GNA12: variants seen among roughly 807,000 people sequenced by gnomAD.
The protein encoded by GNA12 is G protein subunit alpha 12.
Under a neutral mutation model 26.0 loss-of-function variants are expected in GNA12, and 9 were observed. That is an observed-to-expected ratio of 0.35 (90% CI 0.21 to 0.60). The LOEUF (loss-of-function observed/expected upper bound fraction) is 0.60, where lower values mean the gene tolerates loss of function less well. Ranked by LOEUF, GNA12 falls within the 20% of genes least tolerant of loss-of-function variation. The pLI is 0.78. For missense variants in GNA12, 405 were observed against 525.8 expected, an observed-to-expected ratio of 0.77 and a Z score of 2.25; for synonymous variants, 264 against 219.6, an observed-to-expected ratio of 1.20 and a Z score of -1.79.
Position 2,731,136 on chromosome 7 carries a change from G to A in GNA12, c.*45C>T, listed in dbSNP as rs758004070. On this transcript the variant is annotated 3_prime_UTR_variant, in exon 4 of 4. Coordinates refer to ENST00000275364, the MANE Select transcript of GNA12 (RefSeq NM_007353.3). The surrounding 1 kb of genome is among the most constrained non-coding windows in gnomAD (Gnocchi z 6.0). ...CACACACCCAAGAGTCTGACCGACA[G>A]CCGTGGGGGCTGCTCAACGACGACA... 2.2e-6 allele frequency: 3 copies of A among 1,334,532 alleles called. No homozygotes were observed. The highest frequency in any genetic ancestry group is 3.2e-6 in the Non-Finnish European group (3 of 946,236). The allele number at this position is 1,334,532 out of a possible 1,614,324, so 82.7% of individuals were successfully genotyped here.
At chr7:2,841,548 T>C (rs1778988510) in intron 1 of GNA12, among the ~76,000 whole-genome samples, 1 of 152,178 alleles carries the variant, frequency 6.6e-6, no homozygotes, top group African/African-American at 2.4e-5. Flanking sequence ...GTTCACGAAG[T>C]ATCTGACCAG....
intron 3 of GNA12, 102 bp downstream of exon 3, chr7:2,733,349 C>A (rs769138607): frequency 2.0e-5 from 18 of 897,094 alleles, no homozygotes; most frequent in Non-Finnish European, 3.3e-5. Flanking sequence ...CAAGCTCGGC[C>A]TGTCAGTCCA....
chr7:2,734,798 C>T (rs1583207814), intron 2 of GNA12, among the ~76,000 whole-genome samples: 2 of 152,206 alleles, frequency 1.3e-5, no homozygotes, highest in Non-Finnish European at 2.9e-5. Flanking sequence ...CATCCTCCTC[C>T]TCTGTGGCAG....
At chr7:2,743,262 G>T (rs1206898097) in intron 2 of GNA12, among the ~76,000 whole-genome samples, 1 of 152,032 alleles carries the variant, frequency 6.6e-6, no homozygotes, top group African/African-American at 2.4e-5. Flanking sequence ...TGGCAGTTTG[G>T]GTCTCACCAA....
rs1016959261 is a variant in GNA12 at position 2,731,848 on chromosome 7, T to A, written c.577-98A>T. On this transcript the variant is annotated intron_variant, in intron 3 of 3. Transcript: ENST00000275364. This position sits in a 1 kb window ranked among gnomAD's most constrained non-coding sequence, Gnocchi z 6.0. ...GCAAAAAGATAAGAAGGAAAGAGAC[T>A]GACTTTTGCAACAGGTTGAACCAGA... The A allele has an allele frequency of 1.6e-5, 10 of 624,692 alleles. No homozygotes were observed. The highest frequency in any genetic ancestry group is 1.5e-4 in the African/African-American group (8 of 55,072). The allele number at this position is 624,692 out of a possible 1,614,324, so 38.7% of individuals were successfully genotyped here. A position where few individuals can be genotyped will look rare whatever the true frequency, so the allele number is the denominator to read the frequency against.
chr7:2,836,880 C>T (rs898894644), intron 1 of GNA12, among the ~76,000 whole-genome samples: 2 of 152,050 alleles, frequency 1.3e-5, no homozygotes, highest in East Asian at 1.9e-4. Flanking sequence ...GCCAGGATTG[C>T]GCCACTGCAC....
At chr7:2,825,820 G>C (rs1481905173) in intron 1 of GNA12, among the ~76,000 whole-genome samples, 1 of 152,182 alleles carries the variant, frequency 6.6e-6, no homozygotes, top group Non-Finnish European at 1.5e-5. Flanking sequence ...AAGAGAACAA[G>C]TCTTTAGAGT....
intron 2 of GNA12, among the ~76,000 whole-genome samples, chr7:2,784,085 A>G (rs1321656112): frequency 6.6e-6 from 1 of 152,186 alleles, no homozygotes; most frequent in Non-Finnish European, 1.5e-5. Flanking sequence ...AATCATTTTT[A>G]TCTCATTTTA....
At chr7:2,737,264 G>GT (rs201866976) in intron 2 of GNA12, among the ~76,000 whole-genome samples, 60 of 52,476 alleles carry the variant, frequency 1.1e-3, no homozygotes, top group Non-Finnish European at 1.9e-3. Context: ...CTATCTCACA[G>GT]TTTTGTTTTG....
chr7:2,763,622 G>A (rs1468555770), intron 2 of GNA12, among the ~76,000 whole-genome samples: 1 of 152,226 alleles, frequency 6.6e-6, no homozygotes, highest in Non-Finnish European at 1.5e-5. Context: ...TGCAGAAAGA[G>A]CTGCAGTGAA....
At chr7:2,737,289 G>GTTTTTTTTT (rs11389467) in intron 2 of GNA12, among the ~76,000 whole-genome samples, 13 of 62,304 alleles carry the variant, frequency 2.1e-4, no homozygotes, top group Non-Finnish European at 2.3e-4. Flanking sequence ...TTTTTTTTTT[G>GTTTTTTTTT]TTTTTTTTTT....
At chr7:2,806,217 G>A (rs566875657) in intron 1 of GNA12, among the ~76,000 whole-genome samples, 8 of 152,054 alleles carry the variant, frequency 5.3e-5, no homozygotes, top group East Asian at 1.9e-4. Context: ...GGTGGCTCAC[G>A]CCTGTAATCC....
Position 2,812,179 on chromosome 7 carries a change from T to C in GNA12, c.310-17036A>G, listed in dbSNP as rs145843180. ...TTACTAATTCCATGAAAAAAACTAA[T>C]CTGTTTCAAGAAAGTCAGAATTCCT... is the stretch of plus-strand genomic sequence containing the variant. On this transcript the variant is annotated intron_variant, in intron 1 of 3. Transcript: ENST00000275364. Among the ~76,000 whole-genome samples, 782 of 152,396 alleles carry C rather than the reference T, an allele frequency of 5.1e-3. 3 individuals carry two copies. The highest frequency in any genetic ancestry group is 0.02 in the Middle Eastern group (6 of 294).
At chr7:2,802,229 A>G (rs1199036804) in intron 1 of GNA12, among the ~76,000 whole-genome samples, 4 of 152,096 alleles carry the variant, frequency 2.6e-5, no homozygotes, top group Non-Finnish European at 5.9e-5. Context: ...GGTTACCCAA[A>G]TATAAACGGT....
chr7:2,818,325 C>T (rs756247507), intron 1 of GNA12, among the ~76,000 whole-genome samples: 10 of 152,182 alleles, frequency 6.6e-5, no homozygotes, highest in Non-Finnish European at 1.0e-4. Context: ...CATCAGATGC[C>T]GGCGGCACCC....
intron 2 of GNA12, among the ~76,000 whole-genome samples, chr7:2,735,036 C>T (rs534567529): frequency 3.4e-4 from 52 of 151,918 alleles, no homozygotes; most frequent in African/African-American, 1.0e-3. Context: ...TGTGCCAAGT[C>T]CCCCCGGTCC....
rs2114987379 is a variant in GNA12 at position 2,844,086 on chromosome 7, C to T, written c.76G>A (p.Gly26Ser). The T allele has an allele frequency of 2.9e-6, 3 of 1,031,644 alleles. No homozygotes were observed. The highest frequency in any genetic ancestry group is 2.3e-6 in the Non-Finnish European group (2 of 862,530). The allele number at this position is 1,031,644 out of a possible 1,614,324, so 63.9% of individuals were successfully genotyped here. A position where few individuals can be genotyped will look rare whatever the true frequency, so the allele number is the denominator to read the frequency against. The change falls in exon 1 of 4, where the codon GGC becomes AGC. Residue 26 changes from glycine to serine, a missense_variant. Transcript: ENST00000275364. ...CGCTCCGCGTCGCGCGCGCCGCTGC[C>T]CGCCCTGCGCTCGCGGGCCCCGCCG... ...EAGGARERRA[G>S]SGARDAEREA... is the part of the protein sequence containing the mutation.
At chr7:2,816,637 C>A (rs1387055910) in intron 1 of GNA12, among the ~76,000 whole-genome samples, 1 of 152,064 alleles carries the variant, frequency 6.6e-6, no homozygotes. Flanking sequence ...ATGTACAGAA[C>A]ACAAATTGAA....
chr7:2,808,394 G>A (rs745968262), intron 1 of GNA12, among the ~76,000 whole-genome samples: 11 of 152,236 alleles, frequency 7.2e-5, no homozygotes, highest in African/African-American at 1.9e-4. Flanking sequence ...GGTGTGGGCC[G>A]AGCTGACTGT....
Sources: gnomAD v4.1 joint callset for allele counts (sites outside exome capture counted in the v4.1 genomes callset) on GRCh38, gnomAD v4.1.1 for gene constraint, Gnocchi (gnomAD v3.1) non-coding constraint, MANE v1.5 for transcripts, NCBI Gene and HGNC (gene_info 2026-07-23, HGNC 2026-07-21) for gene names.